Variants in TENM2 observed in about 807,000 individuals in gnomAD.
The protein encoded by TENM2 is teneurin-2.
A neutral mutation model predicts 245.2 loss-of-function variants in TENM2; 52 were observed. The ratio of observed to expected loss-of-function variants is 0.21; its 90% CI spans 0.17 to 0.27. TENM2 has a LOEUF of 0.27. TENM2 is among the 10% of genes least tolerant of loss of function. The pLI is 1.00. For missense variants in TENM2, 3,046 were observed against 3,666.8 expected, an observed-to-expected ratio of 0.83 and a Z score of 4.37; for synonymous variants, 1,363 against 1,438.9, an observed-to-expected ratio of 0.95 and a Z score of 1.19.
intron 2 of TENM2, among the ~76,000 whole-genome samples, chr5:167,679,711 G>C (rs112951317): frequency 5.3e-5 from 8 of 152,236 alleles, no homozygotes; most frequent in African/African-American, 1.7e-4. Flanking sequence ...AAGCAGTGTA[G>C]ATTTCTATTG....
At chr5:167,445,336 T>TATATATATAGAGAGAGAGAGAGAG (rs368881390) in intron 2 of TENM2, among the ~76,000 whole-genome samples, 3 of 77,304 alleles carry the variant, frequency 3.9e-5, no homozygotes, top group African/African-American at 1.7e-4. Context: ...TATATATATA[T>TATATATATAGAGAGAGAGAGAGAG]AGAGAGAGAG....
chr5:167,581,156 C>T (rs1362325581), intron 2 of TENM2, among the ~76,000 whole-genome samples: 1 of 152,180 alleles, frequency 6.6e-6, no homozygotes, highest in African/African-American at 2.4e-5. Flanking sequence ...ATTTGACAAA[C>T]ATACTTATTA....
chr5:168,006,677 T>G (rs926284934), intron 5 of TENM2, among the ~76,000 whole-genome samples: 17 of 152,336 alleles, frequency 1.1e-4, no homozygotes, highest in African/African-American at 4.1e-4. Context: ...GGGATTATGT[T>G]CAGCCTGACT....
chr5:167,432,409 C>G (rs1453828976), intron 2 of TENM2, among the ~76,000 whole-genome samples: 2 of 151,728 alleles, frequency 1.3e-5, no homozygotes, highest in East Asian at 3.9e-4. Context: ...TTTTCTTCTG[C>G]TTGTTGTACA....
downstream of TENM2, chr5:168,263,051 G>C (rs1768353498): frequency 2.1e-6 from 1 of 473,204 alleles, no homozygotes; most frequent in East Asian, 3.2e-5. Context: ...ACGAATGAAT[G>C]AACAGACACA....
intron 2 of TENM2, among the ~76,000 whole-genome samples, chr5:167,474,773 C>T (rs11738397): frequency 0.7 from 105,780 of 152,058 alleles, 37,224 homozygotes; most frequent in Non-Finnish European, 0.75. Flanking sequence ...GCCTCAGCCT[C>T]CCAAAGTTCT....
intron 2 of TENM2, among the ~76,000 whole-genome samples, chr5:167,748,789 C>T (rs980673530): frequency 2.6e-5 from 4 of 151,856 alleles, no homozygotes; most frequent in African/African-American, 7.3e-5. Context: ...CTTGTGAGAA[C>T]TCACTCACTA....
the TENM2 span, among the ~76,000 whole-genome samples, chr5:167,135,499 G>A: frequency 6.6e-6 from 1 of 152,234 alleles, no homozygotes. Context: ...TGTATTGGCC[G>A]GGTGCAGTGG....
intron 2 of TENM2, among the ~76,000 whole-genome samples, chr5:167,726,415 G>A (rs186302648): frequency 1.4e-4 from 22 of 152,152 alleles, no homozygotes; most frequent in Admixed American, 4.6e-4. Context: ...GTGAATAGGC[G>A]AGGCCCCTTC....
At position 168,063,586 on chromosome 5, in the gene TENM2, T is replaced by C. The variant is rs1204002153; in HGVS notation, c.1515+1321T>C. On this transcript the variant is annotated intron_variant, in intron 7 of 28. Coordinates refer to ENST00000518659, the Ensembl canonical transcript of TENM2. Reference sequence around the variant, plus strand: ...AAATGTGTTGGAAAGGCAATTCATCTAGAAAATTCAATTGGAAGAACTTAA... The same window carrying C: ...AAATGTGTTGGAAAGGCAATTCATCCAGAAAATTCAATTGGAAGAACTTAA... Among the ~76,000 whole-genome samples the C allele has an allele frequency of 2.0e-5, 3 of 152,190 alleles. No homozygotes were observed. The East Asian group carries it at 5.8e-4, about 29-fold the overall frequency.
chr5:167,329,261 G>C (rs1757282568), intron 1 of TENM2, among the ~76,000 whole-genome samples: 1 of 151,790 alleles, frequency 6.6e-6, no homozygotes, highest in Non-Finnish European at 1.5e-5. Context: ...GAGAAGGGTG[G>C]TGGGCTGGGT....
chr5:167,901,443 A>G (rs939687063), intron 3 of TENM2, among the ~76,000 whole-genome samples: 12 of 152,236 alleles, frequency 7.9e-5, no homozygotes, highest in African/African-American at 2.9e-4. Flanking sequence ...ATGGAAACAT[A>G]CAGCACCATG....
At chr5:167,320,248 T>G (rs971957276) in intron 1 of TENM2, among the ~76,000 whole-genome samples, 1 of 152,238 alleles carries the variant, frequency 6.6e-6, no homozygotes, top group Non-Finnish European at 1.5e-5. Context: ...AATATTTGTT[T>G]AATGGATTGG....
chr5:168,198,188 C>CTTTTTTTT (rs35539116), intron 15 of TENM2, among the ~76,000 whole-genome samples: 11 of 95,830 alleles, frequency 1.1e-4, no homozygotes, highest in African/African-American at 1.9e-4. Flanking sequence ...CCAATGAACC[C>CTTTTTTTT]TTTTTTTTTT....
At chr5:167,427,765 G>C (rs1763947494) in intron 2 of TENM2, among the ~76,000 whole-genome samples, 4 of 135,932 alleles carry the variant, frequency 2.9e-5, no homozygotes, top group Non-Finnish European at 6.5e-5. Flanking sequence ...AGGGAAGGAA[G>C]GAAGGACGGG....
intron 7 of TENM2, among the ~76,000 whole-genome samples, chr5:168,075,969 C>T (rs1158975782): frequency 6.6e-6 from 1 of 152,096 alleles, no homozygotes; most frequent in East Asian, 1.9e-4. Flanking sequence ...ATTCAAATAC[C>T]TCCCACCGTC....
At chr5:167,310,668 A>C (rs1481495108) in intron 1 of TENM2, among the ~76,000 whole-genome samples, 1 of 152,220 alleles carries the variant, frequency 6.6e-6, no homozygotes, top group African/African-American at 2.4e-5. Context: ...TTCAAATTTC[A>C]TTTGATCAGG....
chr5:168,144,428 G>C (rs113076481), intron 12 of TENM2, among the ~76,000 whole-genome samples: 2,469 of 152,034 alleles, frequency 0.016, 68 homozygotes, highest in African/African-American at 0.056. Flanking sequence ...AGAATATGTG[G>C]TGTTTGGTTT....
the TENM2 span, among the ~76,000 whole-genome samples, chr5:167,141,902 C>T: frequency 6.6e-6 from 1 of 152,214 alleles, no homozygotes; most frequent in South Asian, 2.1e-4. Flanking sequence ...AGTGTCAAAG[C>T]TTAATTGTGT....
Sources: gnomAD v4.1 joint callset for allele counts (sites outside exome capture counted in the v4.1 genomes callset) on GRCh38, gnomAD v4.1.1 for gene constraint, MANE v1.5 for transcripts, NCBI Gene and HGNC (gene_info 2026-07-23, HGNC 2026-07-21) for gene names.